The following TCN1 variants were observed in gnomAD, a reference collection of about 807,000 sequenced individuals.
TCN1 encodes transcobalamin 1.
A neutral mutation model predicts 46.3 loss-of-function variants in TCN1; 47 were observed. The observed-to-expected ratio is 1.01, with a 90% CI of 0.80 to 1.29. The LOEUF (loss-of-function observed/expected upper bound fraction) is 1.29, where lower values mean the gene tolerates loss of function less well. Ranked by LOEUF, TCN1 falls within the 50% of genes most tolerant of loss-of-function variation. The pLI, the probability that TCN1 is intolerant of heterozygous loss-of-function variation, is 0.00. For synonymous variants in TCN1, 183 were observed against 192.5 expected (o/e 0.95, Z 0.41); for missense variants, 532 against 511.0 (o/e 1.04, Z -0.40).
intron 8 of TCN1, 30 bp from the exon 9 acceptor site, chr11:59,853,066 C>T: frequency 1.2e-6 from 2 of 1,612,848 alleles, no homozygotes; most frequent in African/African-American, 2.7e-5. Context: ...AGAACTGGGT[C>T]AAATGATTTG....
At chr11:59,860,691 G>C (rs1054223576) in intron 4 of TCN1, among the ~76,000 whole-genome samples, 1 of 152,140 alleles carries the variant, frequency 6.6e-6, no homozygotes, top group South Asian at 2.1e-4. Context: ...ACTTTACAGA[G>C]TTGTTGCCCA....
intron 6 of TCN1, among the ~76,000 whole-genome samples, chr11:59,855,516 C>T (rs116901734): frequency 1.3e-3 from 199 of 152,316 alleles, no homozygotes; most frequent in Non-Finnish European, 2.4e-3. Flanking sequence ...GGATCACTCA[C>T]TGTGCAAAGT....
In TCN1 at chr11:59,852,845, G is replaced by A. The variant is rs1030995856; in HGVS notation, c.*130C>T. 1.2e-6 allele frequency: 1 copy of A among 842,800 alleles called. No homozygotes were observed. The highest frequency in any genetic ancestry group is 1.7e-5 in the African/African-American group (1 of 60,098). 52.2% of individuals were successfully genotyped at this position (842,800 alleles called of 1,614,324 possible). On this transcript the variant is annotated 3_prime_UTR_variant, in exon 9 of 9. Coordinates refer to ENST00000257264, the MANE Select transcript of TCN1 (RefSeq NM_001062.4). The stretch of plus-strand genomic sequence containing the variant: ...TCTTTCAACAACTTTTATTGAACAT[G>A]TAGAGAGAGAAGGGGAGGTTATTAA...
Position 59,859,094 on chromosome 11 carries a change from T to C in TCN1, c.730A>G (p.Thr244Ala), listed in dbSNP as rs147942868. 1.3e-4 allele frequency: 212 copies of C among 1,613,654 alleles called. No homozygotes were observed. Among genetic ancestry groups the C allele is most frequent in the Non-Finnish European group, 1.7e-4 (206 of 1,180,054 alleles). Reference protein sequence around the residue: ...ENGLIGNTFSTGEAMQALFVS... With the variant: ...ENGLIGNTFSAGEAMQALFVS... The stretch of plus-strand genomic sequence containing the variant: ...TGACTTACCTGCATGGCTTCTCCTG[T>C]GCTAAATGTGTTTCCAATGAGACCA... Residue 244 changes from threonine to alanine, a missense_variant, in exon 5 of 9, where the codon ACA (threonine) becomes GCA (alanine). Thr to Ala is a moderately conservative substitution (Grantham distance 58). Coordinates refer to ENST00000257264, the MANE Select transcript of TCN1 (RefSeq NM_001062.4).
rs778364631 is a variant in TCN1 at position 59,856,022 on chromosome 11, C to G, written c.784G>C (p.Asp262His). The stretch of plus-strand genomic sequence containing the variant: ...TTCAGAGTTTGTTGGCAATTCCAGT[C>G]ATTTTCATTATAATAGTCTGATGAT... The part of the protein sequence containing the change: ...FVSSDYYNEN[D>H]WNCQQTLNTV... Residue 262 changes from aspartate to histidine, a missense_variant, in exon 6 of 9, where the codon GAC (aspartate) becomes CAC (histidine). Asp to His is a moderately conservative substitution (Grantham distance 81, BLOSUM62 -1). Transcript: ENST00000257264. 4 of 1,354,530 alleles carry G rather than the reference C, an allele frequency of 3.0e-6. No individual in the cohort carries two copies. The highest frequency in any genetic ancestry group is 3.9e-6 in the Non-Finnish European group (4 of 1,027,150). 83.9% of individuals were successfully genotyped at this position (1,354,530 alleles called of 1,614,324 possible). A position where few individuals can be genotyped will look rare whatever the true frequency, so the allele number is the denominator to read the frequency against.
intron 4 of TCN1, 53 bp from the exon 5 acceptor site, chr11:59,859,320 T>G (rs1050556207): frequency 6.3e-7 from 1 of 1,597,662 alleles, no homozygotes; most frequent in African/African-American, 1.3e-5. Flanking sequence ...CAGTTTGTCC[T>G]GGGCCGAGAG....
chr11:59,862,323 G>A (rs1264118903), intron 3 of TCN1, among the ~76,000 whole-genome samples: 2 of 152,068 alleles, frequency 1.3e-5, no homozygotes, highest in African/African-American at 4.8e-5. Flanking sequence ...GTGTGCATGT[G>A]TGTGTGTGTG....
At chr11:59,859,008 A>C in intron 5 of TCN1, 69 bp downstream of exon 5, 1 of 1,573,150 alleles carries the variant, frequency 6.4e-7, no homozygotes, top group Non-Finnish European at 8.7e-7. Flanking sequence ...CCATCTTAAA[A>C]AAAAAAAAAT....
chr11:59,852,946 T>C lies in TCN1; in HGVS notation c.*29A>G, dbSNP rs1866683015. ...ACATGGAACTCCACTGCAAATGGAT[T>C]TTATGCAGCTGAGGAAAGTTTGGGC... On this transcript the variant is annotated 3_prime_UTR_variant, in exon 9 of 9. Transcript: ENST00000257264. The C allele has an allele frequency of 1.9e-6, 3 of 1,608,128 alleles. No individual in the cohort carries two copies. Among genetic ancestry groups the C allele is most frequent in the Non-Finnish European group, 2.6e-6 (3 of 1,174,684 alleles).
chr11:59,864,847 T>C (rs568035866), intron 1 of TCN1, among the ~76,000 whole-genome samples: 1 of 152,296 alleles, frequency 6.6e-6, no homozygotes, highest in Admixed American at 6.5e-5. Context: ...TAGCCCCAAA[T>C]CCTACATATC....
chr11:59,860,448 A>T (rs1217077234), intron 4 of TCN1, among the ~76,000 whole-genome samples: 3 of 151,256 alleles, frequency 2.0e-5, no homozygotes, highest in Non-Finnish European at 4.4e-5. Context: ...TTTTAAATAC[A>T]ATTCTGGGTT....
intron 5 of TCN1, among the ~76,000 whole-genome samples, chr11:59,857,210 G>A (rs1852953467): frequency 6.6e-6 from 1 of 152,120 alleles, no homozygotes; most frequent in African/African-American, 2.4e-5. Flanking sequence ...TAGGCAATTA[G>A]CTCTTGATCC....
In TCN1 at chr11:59,859,325, C is replaced by T. The variant is rs192398921; in HGVS notation, c.557-58G>A. The T allele has an allele frequency of 2.4e-3, 3,883 of 1,588,412 alleles. 10 individuals are homozygous for T. The highest frequency in any genetic ancestry group is 3.0e-3 in the Non-Finnish European group (3,511 of 1,164,190). On this transcript the variant is annotated intron_variant, in intron 4 of 8. Coordinates refer to ENST00000257264, the MANE Select transcript of TCN1 (RefSeq NM_001062.4). Reference sequence around the variant, plus strand: ...CCAACCACCTCAGTTTGTCCTGGGCCGAGAGGTTTCCTGGGATGTGAGACT... The same window carrying T: ...CCAACCACCTCAGTTTGTCCTGGGCTGAGAGGTTTCCTGGGATGTGAGACT...
rs978457184 is a variant in TCN1, at chr11:59,862,431, A to C, written c.400+151T>G. The C allele has an allele frequency of 3.3e-6, 3 of 907,808 alleles. No individual in the cohort carries two copies. In the African/African-American group the frequency reaches 5.0e-5, roughly 15 times the overall value. The allele number at this position is 907,808 out of a possible 1,614,324, so 56.2% of individuals were successfully genotyped here. A position where few individuals can be genotyped will look rare whatever the true frequency, so the allele number is the denominator to read the frequency against. On this transcript the variant is annotated intron_variant, in intron 3 of 8. Transcript: ENST00000257264. ...TATTTAAAAAGAAAATTCAAGATGC[A>C]TACTGAAAGAGAAAAAGGGAAGTGC...
At position 59,864,039 on chromosome 11, in the gene TCN1, T is replaced by C; in HGVS notation, c.127A>G (p.Met43Val). Reference protein sequence around the residue: ...YIRLKPLLNTMIQSNYNRGTS... With the variant: ...YIRLKPLLNTVIQSNYNRGTS... ...CCCCTGTTATAGTTTGACTGGATCA[T>C]TGTATTCAACAGAGGTTTTAGGCGG... Residue 43 changes from methionine to valine, a missense_variant, in exon 2 of 9, where the codon ATG becomes GTG. Physicochemically the swap from Met to Val is conservative, Grantham distance 21. Transcript: ENST00000257264. 1 of 1,613,980 alleles carries C rather than the reference T, an allele frequency of 6.2e-7. No homozygotes were observed. Among genetic ancestry groups the C allele is most frequent in the Non-Finnish European group, 8.5e-7 (1 of 1,179,836 alleles).
At chr11:59,853,489 A>C (rs1866689961) in intron 7 of TCN1, among the ~76,000 whole-genome samples, 168 bp from the exon 8 acceptor site, 2 of 152,172 alleles carry the variant, frequency 1.3e-5, no homozygotes, top group African/African-American at 4.8e-5. Flanking sequence ...TGAGCTGGGG[A>C]TCAGGAATCT....
chr11:59,853,129 TC>T, intron 8 of TCN1, 73 bp downstream of exon 8: 3 of 1,599,818 alleles, frequency 1.9e-6, no homozygotes, highest in Non-Finnish European at 2.6e-6. Context: ...CTTGGCCCAA[TC>T]CCCACAGAGG....
At chr11:59,861,201 C>T (rs1431802376) in intron 4 of TCN1, among the ~76,000 whole-genome samples, 2 of 152,278 alleles carry the variant, frequency 1.3e-5, no homozygotes, top group East Asian at 3.9e-4. Flanking sequence ...CTTACCCTTT[C>T]TAAAATATTT....
chr11:59,856,735 A>T (rs1337482665), intron 5 of TCN1, among the ~76,000 whole-genome samples: 1 of 152,166 alleles, frequency 6.6e-6, no homozygotes, highest in African/African-American at 2.4e-5. Context: ...CTGGAGAAGG[A>T]AGTTGGGCTA....
Sources: gnomAD v4.1 joint callset for allele counts (sites outside exome capture counted in the v4.1 genomes callset) on GRCh38, gnomAD v4.1.1 for gene constraint, MANE v1.5 for transcripts, NCBI Gene and HGNC (gene_info 2026-07-23, HGNC 2026-07-21) for gene names.